Variants in EYS observed in about 807,000 individuals in gnomAD.
EYS encodes EGF-like photoreceptor maintenance factor.
EYS carries 250 observed loss-of-function variants against 282.1 expected under a neutral mutation model. The ratio of observed to expected loss-of-function variants is 0.89; its 90% CI spans 0.80 to 0.98. The LOEUF (loss-of-function observed/expected upper bound fraction) is 0.98. Among genes scored for constraint, EYS ranks in the 50% least tolerant of loss-of-function variants. The pLI, the probability that EYS is intolerant of heterozygous loss-of-function variation, is 0.00. For synonymous variants in EYS, 1,355 were observed against 1,282.9 expected (o/e 1.06, Z -1.20); for missense variants, 4,016 against 3,709.0 (o/e 1.08, Z -2.15).
chr6:65,391,040 C>G lies in EYS; in HGVS notation c.1185-6540G>C, dbSNP rs538599493. 2.0e-5 allele frequency among the ~76,000 whole-genome samples: 3 copies of G among 152,150 alleles called. No individual in the cohort carries two copies. In the South Asian group the frequency reaches 6.2e-4, roughly 32 times the overall value. Reference sequence around the variant, plus strand: ...ATTATGGGGCTAAGGTTCCTTTAATCAGGTATGCCAGGAAGACTTAAAGAT... The same window carrying G: ...ATTATGGGGCTAAGGTTCCTTTAATGAGGTATGCCAGGAAGACTTAAAGAT... On this transcript the variant is annotated intron_variant, in intron 7 of 42. Coordinates refer to ENST00000503581, the MANE Select transcript of EYS (RefSeq NM_001142800.2).
chr6:65,430,123 G>T (rs556423790), intron 5 of EYS, among the ~76,000 whole-genome samples: 2 of 152,068 alleles, frequency 1.3e-5, no homozygotes, highest in African/African-American at 4.8e-5. Context: ...AGAATAGAAG[G>T]CTCCATCAAT....
chr6:64,925,100 G>C (rs1181660487), intron 15 of EYS, among the ~76,000 whole-genome samples: 1 of 152,166 alleles, frequency 6.6e-6, no homozygotes, highest in Admixed American at 6.5e-5. Context: ...TGGATTTATA[G>C]TTCTACATGG....
intron 28 of EYS, among the ~76,000 whole-genome samples, chr6:64,411,039 G>A (rs1167244793): frequency 6.6e-6 from 1 of 152,060 alleles, no homozygotes; most frequent in East Asian, 1.9e-4. Context: ...AGAAGCTCAA[G>A]ATGAATGATT....
At chr6:63,822,579 A>G (rs766969999) in intron 36 of EYS, 1 of 152,254 alleles carries the variant, frequency 6.6e-6, no homozygotes, top group Non-Finnish European at 1.5e-5. Context: ...TAAAGGGAGA[A>G]TGGAAGACAA....
chr6:64,106,856 CT>C (rs1015601170), intron 31 of EYS, among the ~76,000 whole-genome samples: 11 of 151,546 alleles, frequency 7.3e-5, no homozygotes, highest in African/African-American at 2.7e-4. Flanking sequence ...GTATTCTGTT[CT>C]TTTTTCCCAG....
chr6:64,418,412 G>GT (rs1398942515), intron 28 of EYS, among the ~76,000 whole-genome samples: 1 of 152,174 alleles, frequency 6.6e-6, no homozygotes, highest in Non-Finnish European at 1.5e-5. Flanking sequence ...ACTAAAGTGA[G>GT]TTTTTTCTTG....
chr6:64,133,069 A>G (rs1028992721), intron 31 of EYS, among the ~76,000 whole-genome samples: 1 of 152,052 alleles, frequency 6.6e-6, no homozygotes, highest in Non-Finnish European at 1.5e-5. Flanking sequence ...TAAATGTTTC[A>G]TACTATGACA....
intron 41 of EYS, among the ~76,000 whole-genome samples, chr6:63,733,676 A>C (rs1768837041): frequency 6.6e-6 from 1 of 152,226 alleles, no homozygotes; most frequent in South Asian, 2.1e-4. Flanking sequence ...CAGCATTAGC[A>C]GTAGCCAAAG....
intron 12 of EYS, among the ~76,000 whole-genome samples, chr6:65,152,310 G>T (rs968507889): frequency 6.6e-6 from 1 of 151,852 alleles, no homozygotes; most frequent in African/African-American, 2.4e-5. Context: ...GAGGAATTTT[G>T]TCCACCACCC....
intron 36 of EYS, among the ~76,000 whole-genome samples, chr6:63,830,404 C>G (rs1039041798): frequency 1.3e-5 from 2 of 152,212 alleles, no homozygotes; most frequent in Non-Finnish European, 2.9e-5. Context: ...AACCATGGCA[C>G]GAGAACTACA....
At chr6:64,096,855 GCT>G (rs1250109173) in intron 31 of EYS, among the ~76,000 whole-genome samples, 1 of 152,120 alleles carries the variant, frequency 6.6e-6, no homozygotes, top group Non-Finnish European at 1.5e-5. Context: ...CAGTTTTTCT[GCT>G]CTGTTTTTTC....
intron 29 of EYS, among the ~76,000 whole-genome samples, chr6:64,382,033 T>C (rs1276390762): frequency 6.6e-6 from 1 of 152,202 alleles, no homozygotes; most frequent in Non-Finnish European, 1.5e-5. Flanking sequence ...TTTTTCATTT[T>C]TGGTTTCAGT....
At chr6:64,779,463 T>A (rs1773789293) in intron 22 of EYS, among the ~76,000 whole-genome samples, 2 of 152,150 alleles carry the variant, frequency 1.3e-5, no homozygotes, top group South Asian at 4.1e-4. Flanking sequence ...TATAAAAAGA[T>A]CAGCGTTTGC....
At chr6:64,875,365 G>A (rs761219648) in intron 19 of EYS, among the ~76,000 whole-genome samples, 1 of 152,000 alleles carries the variant, frequency 6.6e-6, no homozygotes, top group Non-Finnish European at 1.5e-5. Flanking sequence ...GATTACATAT[G>A]GCAATGTAAT....
At chr6:64,140,488 G>A (rs1774305779) in intron 31 of EYS, among the ~76,000 whole-genome samples, 1 of 152,118 alleles carries the variant, frequency 6.6e-6, no homozygotes, top group Non-Finnish European at 1.5e-5. Flanking sequence ...CCAAGGAGGT[G>A]GACCTGTATG....
rs1771478105 is a variant in EYS, at chr6:63,826,845, C to CAAAAAAAAAAAAAAAAAAAGAAAAAAAA, written c.7229-20474_7229-20473insTTTTTTTTCTTTTTTTTTTTTTTTTTTT. Among the ~76,000 whole-genome samples, 85 of 76,732 alleles carry CAAAAAAAAAAAAAAAAAAAGAAAAAAAA rather than the reference C, an allele frequency of 1.1e-3. 1 individual carries two copies. Among genetic ancestry groups the CAAAAAAAAAAAAAAAAAAAGAAAAAAAA allele is most frequent in the Middle Eastern group, 9.3e-3 (1 of 108 alleles). 50.3% of individuals were successfully genotyped at this position (76,732 alleles called of 152,430 possible). Reference sequence around the variant, plus strand: ...TAAAACAAAAATACAAGTTAAAAAGCAAAAAAAAAAAAAAAAAAAGGACAA... The same window carrying CAAAAAAAAAAAAAAAAAAAGAAAAAAAA: ...TAAAACAAAAATACAAGTTAAAAAGCAAAAAAAAAAAAAAAAAAAGAAAAAAAAAAAAAAAAAAAAAAAAAAAGGACAA... On this transcript the variant is annotated intron_variant, in intron 36 of 42. Transcript: ENST00000503581.
intron 36 of EYS, among the ~76,000 whole-genome samples, chr6:63,840,357 C>T (rs1015544697): frequency 6.6e-6 from 1 of 151,976 alleles, no homozygotes; most frequent in East Asian, 1.9e-4. Flanking sequence ...AGCCACCACG[C>T]CCAGCCCCAT....
intron 22 of EYS, among the ~76,000 whole-genome samples, chr6:64,805,564 G>A (rs1274419535): frequency 1.3e-5 from 2 of 151,362 alleles, no homozygotes; most frequent in African/African-American, 4.8e-5. Flanking sequence ...ATTTATCTAT[G>A]GAATGACACA....
intron 2 of EYS, among the ~76,000 whole-genome samples, chr6:65,604,450 T>C (rs915307348): frequency 6.6e-4 from 100 of 151,600 alleles, no homozygotes; most frequent in African/African-American, 2.3e-3. Context: ...CATTAAAGAG[T>C]TCAAAAGAGA....
Sources: gnomAD v4.1 joint callset for allele counts (sites outside exome capture counted in the v4.1 genomes callset) on GRCh38, gnomAD v4.1.1 for gene constraint, MANE v1.5 for transcripts, NCBI Gene and HGNC (gene_info 2026-07-23, HGNC 2026-07-21) for gene names.